Variants in OSBPL1A observed in about 807,000 individuals in gnomAD.
The protein encoded by OSBPL1A is oxysterol-binding protein-related protein 1.
In OSBPL1A, 80 loss-of-function variants were observed where a neutral mutation model predicts 137.1. The observed-to-expected ratio is 0.58, with a 90% CI of 0.49 to 0.70. The LOEUF is 0.70. OSBPL1A is among the 30% of genes least tolerant of loss of function. The probability of loss-of-function intolerance (pLI) is 0.00; values close to 1 mark genes in which losing one functional copy is unlikely to be tolerated. For synonymous variants in OSBPL1A, 365 were observed against 389.7 expected, an observed-to-expected ratio of 0.94 and a Z score of 0.75; for missense variants, 970 against 1,129.4, an observed-to-expected ratio of 0.86 and a Z score of 2.02.
chr18:24,335,287 G>T (rs2091156461), intron 5 of OSBPL1A, among the ~76,000 whole-genome samples: 1 of 152,144 alleles, frequency 6.6e-6, no homozygotes, highest in Admixed American at 6.5e-5. Flanking sequence ...TAACTACTCT[G>T]AGGTAGGTGT....
intron 14 of OSBPL1A, among the ~76,000 whole-genome samples, chr18:24,283,279 A>AT (rs1328962665): frequency 1.7e-3 from 143 of 85,132 alleles, no homozygotes; most frequent in East Asian, 5.1e-3. Flanking sequence ...AAAAAAAAAA[A>AT]AAATATATAT....
chr18:24,329,704 T>G (rs1420805631), intron 7 of OSBPL1A, among the ~76,000 whole-genome samples: 2 of 152,186 alleles, frequency 1.3e-5, no homozygotes, highest in African/African-American at 4.8e-5. Flanking sequence ...TACACTGGCC[T>G]GCCTTGCAAT....
chr18:24,214,577 A>C (rs1384135814), intron 17 of OSBPL1A, among the ~76,000 whole-genome samples: 1 of 152,210 alleles, frequency 6.6e-6, no homozygotes, highest in Non-Finnish European at 1.5e-5. Flanking sequence ...TAGGAGGCTG[A>C]TGGTAGCAGT....
At chr18:24,222,240 T>A (rs2087916505) in intron 17 of OSBPL1A, among the ~76,000 whole-genome samples, 1 of 152,148 alleles carries the variant, frequency 6.6e-6, no homozygotes, top group African/African-American at 2.4e-5. Context: ...ATCTATTAGG[T>A]TGACCATATG....
intron 7 of OSBPL1A, among the ~76,000 whole-genome samples, chr18:24,328,718 A>G (rs2091023706): frequency 6.6e-6 from 1 of 152,170 alleles, no homozygotes; most frequent in Non-Finnish European, 1.5e-5. Flanking sequence ...GGTGGACAGT[A>G]ATCACATACG....
intron 15 of OSBPL1A, among the ~76,000 whole-genome samples, chr18:24,274,062 C>T (rs187025304): frequency 5.9e-5 from 9 of 152,048 alleles, no homozygotes; most frequent in African/African-American, 1.7e-4. Context: ...GGTAAAACCC[C>T]GTTTCTACTA....
intron 11 of OSBPL1A, among the ~76,000 whole-genome samples, chr18:24,315,731 TATATA>T (rs2090712254): frequency 8.3e-6 from 1 of 120,716 alleles, no homozygotes; most frequent in Non-Finnish European, 1.6e-5. Context: ...TGTAATATAT[TATATA>T]ATAAAATATA....
chr18:24,287,647 C>A (rs2090090417), intron 14 of OSBPL1A, among the ~76,000 whole-genome samples: 1 of 152,008 alleles, frequency 6.6e-6, no homozygotes, highest in African/African-American at 2.4e-5. Flanking sequence ...GTGGTACTTG[C>A]CTGTAATCCC....
intron 17 of OSBPL1A, among the ~76,000 whole-genome samples, chr18:24,212,524 T>C (rs1201134739): frequency 6.6e-6 from 1 of 152,206 alleles, no homozygotes; most frequent in East Asian, 1.9e-4. Context: ...AAAAGTTCGA[T>C]ATGATTTTTC....
chr18:24,216,364 G>C (rs2087697708), intron 17 of OSBPL1A, among the ~76,000 whole-genome samples: 1 of 152,144 alleles, frequency 6.6e-6, no homozygotes, highest in Non-Finnish European at 1.5e-5. Context: ...AAAATTAGCT[G>C]GGCGTGGCAG....
At chr18:24,226,758 T>C (rs1305934295) in intron 16 of OSBPL1A, among the ~76,000 whole-genome samples, 1 of 152,184 alleles carries the variant, frequency 6.6e-6, no homozygotes, top group Admixed American at 6.6e-5. Context: ...CTGGACCCTA[T>C]AAATGATCTA....
Position 24,181,231 on chromosome 18 carries a change from A to C in OSBPL1A, c.1726T>G (p.Phe576Val). The C allele has an allele frequency of 6.2e-7, 1 of 1,614,152 alleles. No individual in the cohort carries two copies. The highest frequency in any genetic ancestry group is 8.5e-7 in the Non-Finnish European group (1 of 1,180,018). Residue 576 changes from phenylalanine (F) to valine (V), a missense_variant, in exon 19 of 28, where the codon TTC (phenylalanine) becomes GTC (valine). Physicochemically the swap from Phe to Val is conservative, Grantham distance 50 (BLOSUM62 -1). This residue lies in a region of OSBPL1A where 323 missense variants were observed against 456.8 expected (regional missense o/e 0.71). Transcript: ENST00000319481. Reference protein sequence around the residue: ...MPVIFNEPLSFLQRLTEYMEH... With the variant: ...MPVIFNEPLSVLQRLTEYMEH... ...ATGTATTCAGTTAGGCGCTGTAGGAAGCTCAGAGGCTCATTAAATATAACT... is the reference window on the plus strand; with the variant it reads ...ATGTATTCAGTTAGGCGCTGTAGGACGCTCAGAGGCTCATTAAATATAACT...
chr18:24,383,419 A>T (rs138234429), intron 1 of OSBPL1A, among the ~76,000 whole-genome samples: 25 of 152,352 alleles, frequency 1.6e-4, no homozygotes, highest in South Asian at 4.1e-4. Context: ...AAAAAAGATT[A>T]AAAAAATTCT....
intron 16 of OSBPL1A, among the ~76,000 whole-genome samples, 188 bp from the exon 17 acceptor site, chr18:24,225,386 T>C (rs939254430): frequency 2.0e-5 from 3 of 152,152 alleles, no homozygotes; most frequent in African/African-American, 7.2e-5. Context: ...CTGAAGTGGA[T>C]TTATCAAACA....
chr18:24,219,222 G>GCTCA (rs1417956807), intron 17 of OSBPL1A, among the ~76,000 whole-genome samples: 2 of 152,170 alleles, frequency 1.3e-5, no homozygotes, highest in East Asian at 3.9e-4. Context: ...AGACCAAGGA[G>GCTCA]GTTGAGGCTG....
chr18:24,234,972 G>A (rs1251554763), intron 16 of OSBPL1A, among the ~76,000 whole-genome samples: 2 of 152,172 alleles, frequency 1.3e-5, no homozygotes, highest in East Asian at 1.9e-4. Flanking sequence ...AGGCCTGGAG[G>A]AGGCACTGGT....
chr18:24,224,946 C>G, intron 17 of OSBPL1A, 96 bp downstream of exon 17: 2 of 1,481,202 alleles, frequency 1.4e-6, no homozygotes, highest in South Asian at 2.5e-5. Context: ...ATCCCCTACA[C>G]GGGGAAAAAT....
chr18:24,183,345 C>G (rs748787830), intron 18 of OSBPL1A, among the ~76,000 whole-genome samples: 3 of 152,110 alleles, frequency 2.0e-5, no homozygotes, highest in Non-Finnish European at 2.9e-5. Context: ...AACAGCAACA[C>G]TTTGGGATAC....
At chr18:24,236,119 A>G (rs1219858288) in intron 16 of OSBPL1A, among the ~76,000 whole-genome samples, 1 of 152,146 alleles carries the variant, frequency 6.6e-6, no homozygotes, top group Non-Finnish European at 1.5e-5. Context: ...CTGACCACCA[A>G]CTGTAACAGA....
Sources: gnomAD v4.1 joint callset for allele counts (sites outside exome capture counted in the v4.1 genomes callset) on GRCh38, gnomAD v4.1.1 for gene constraint, gnomAD v4.1.1 regional missense constraint, MANE v1.5 for transcripts, NCBI Gene and HGNC (gene_info 2026-07-23, HGNC 2026-07-21) for gene names.